The following ALG11 variants were observed in gnomAD, a reference collection of about 807,000 sequenced individuals.
ALG11 encodes the protein GDP-Man:Man(3)GlcNAc(2)-PP-Dol alpha-1,2-mannosyltransferase.
A neutral mutation model predicts 38.8 loss-of-function variants in ALG11; 26 were observed. The observed-to-expected ratio is 0.67, with a 90% CI of 0.49 to 0.93. ALG11 has a LOEUF of 0.93. ALG11 is among the 40% of genes least tolerant of loss of function. ALG11 has a pLI of 0.00. For missense variants in ALG11, 535 were observed against 578.8 expected (o/e 0.92, Z 0.78); for synonymous variants, 199 against 211.6 (o/e 0.94, Z 0.52).
At chr13:52,018,087 A>G (rs1035620040) in intron 1 of ALG11, among the ~76,000 whole-genome samples, 1 of 152,208 alleles carries the variant, frequency 6.6e-6, no homozygotes, top group Non-Finnish European at 1.5e-5. Context: ...TTATTTTAAC[A>G]CATTTTAAGC....
intron 3 of ALG11, among the ~76,000 whole-genome samples, chr13:52,026,149 G>A (rs1450298733): frequency 6.6e-6 from 1 of 152,206 alleles, no homozygotes; most frequent in Non-Finnish European, 1.5e-5. Context: ...AAGCGCCAAA[G>A]AGAAACCTAA....
In ALG11 at chr13:52,012,427, C is replaced by A. The variant is rs765484079; in HGVS notation, c.9C>A (p.Ala3=). 3 of 1,614,068 alleles carry A rather than the reference C, an allele frequency of 1.9e-6. No individual in the cohort carries two copies. Among genetic ancestry groups the A allele is most frequent in the Non-Finnish European group, 2.5e-6 (3 of 1,180,016 alleles). ...TCGGGGGTCGGCGGAAGATGGCGGCCGGCGAAAGGAGCTGGTGCCTGTGCA... is the reference window on the plus strand; with the variant it reads ...TCGGGGGTCGGCGGAAGATGGCGGCAGGCGAAAGGAGCTGGTGCCTGTGCA... MA[A]GERSWCLCKL... Residue 3 remains alanine (A), a synonymous_variant, in exon 1 of 4, where the codon GCC becomes GCA. Transcript: ENST00000521508.
At position 52,028,315 on chromosome 13, in the gene ALG11, T is replaced by G. The variant is rs1169205895; in HGVS notation, c.1208-4T>G. The G allele has an allele frequency of 1.2e-6, 2 of 1,614,044 alleles. No homozygotes were observed. The highest frequency in any genetic ancestry group is 1.7e-5 in the Admixed American group (1 of 59,990). ...GATTACATGATTTGTGTTTTTTTTC[T>G]CAGGAGTTGTGGAGTGTATGGCAGC... On this transcript the variant is annotated splice_region_variant and splice_polypyrimidine_tract_variant and intron_variant, in intron 3 of 3. Coordinates refer to ENST00000521508, the MANE Select transcript of ALG11 (RefSeq NM_001004127.3).
chr13:52,017,224 A>G (rs1170125187), intron 1 of ALG11: 1 of 152,306 alleles, frequency 6.6e-6, no homozygotes, highest in Non-Finnish European at 1.5e-5. Flanking sequence ...CTGGGAAGTA[A>G]CTAGCTTACT....
In ALG11 at chr13:52,031,374, AAG is replaced by A. The variant is rs1414575455; in HGVS notation, c.*2786_*2787del. 2.2e-6 allele frequency: 1 copy of A among 451,346 alleles called. No homozygotes were observed. 28.0% of individuals were successfully genotyped at this position (451,346 alleles called of 1,614,324 possible). A position where few individuals can be genotyped will look rare whatever the true frequency, so the allele number is the denominator to read the frequency against. On this transcript the variant is annotated 3_prime_UTR_variant, in exon 4 of 4. Transcript: ENST00000521508. ...AATATACCTAATGATTTCCTTAAAA[AAG>A]AAATTTTAAACAGACTTGTTTAATC...
In ALG11 at chr13:52,024,876, G is replaced by T. The variant is rs754572359; in HGVS notation, c.1146G>T (p.Lys382Asn). 8 of 1,613,760 alleles carry T rather than the reference G, an allele frequency of 5.0e-6. No individual in the cohort carries two copies. Among genetic ancestry groups the T allele is most frequent in the Non-Finnish European group, 6.8e-6 (8 of 1,180,024 alleles). Residue 382 changes from lysine (K) to asparagine (N), a missense_variant, in exon 3 of 4, where the codon AAG (lysine) becomes AAT (asparagine). By Grantham distance (94) the Lys-to-Asn change is moderately conservative (BLOSUM62 0). Coordinates refer to ENST00000521508, the MANE Select transcript of ALG11 (RefSeq NM_001004127.3). Reference protein sequence around the residue: ...FKINIPFDELKNYLSEATIGL... With the variant: ...FKINIPFDELNNYLSEATIGL... The stretch of plus-strand genomic sequence containing the variant: ...TAAACATTCCATTTGATGAATTAAA[G>T]AATTATTTGTCTGAAGCAACAATTG...
chr13:52,022,383 GAAAA>G (rs1566703544), intron 2 of ALG11: 1 of 152,102 alleles, frequency 6.6e-6, no homozygotes, highest in Non-Finnish European at 1.5e-5. Context: ...AAAAAAGAAA[GAAAA>G]AACAAATGGA....
chr13:52,018,803 TTC>T lies in ALG11; in HGVS notation c.45-104_45-103del. 5.5e-6 allele frequency: 5 copies of T among 903,964 alleles called. No individual in the cohort carries two copies. The Admixed American group carries it at 9.0e-5, about 16-fold the overall frequency. 56.0% of individuals were successfully genotyped at this position (903,964 alleles called of 1,614,324 possible). A position where few individuals can be genotyped will look rare whatever the true frequency, so the allele number is the denominator to read the frequency against. On this transcript the variant is annotated intron_variant, in intron 1 of 3. Coordinates refer to ENST00000521508, the MANE Select transcript of ALG11 (RefSeq NM_001004127.3). ...TTGTTAGCAGACTCGTTAAAGACAA[TTC>T]TCTCTTTGTTACTAATATATAAAGT...
At chr13:52,018,387 CTG>C (rs1377910850) in intron 1 of ALG11, among the ~76,000 whole-genome samples, 5 of 152,144 alleles carry the variant, frequency 3.3e-5, no homozygotes, top group Non-Finnish European at 5.9e-5. Flanking sequence ...AAATACAGAA[CTG>C]GAAATAGAAG....
Position 52,030,767 on chromosome 13 carries a change from G to A in ALG11, c.*2177G>A. The A allele has an allele frequency of 3.1e-6, 5 of 1,614,128 alleles. No individual in the cohort carries two copies. The highest frequency in any genetic ancestry group is 4.2e-6 in the Non-Finnish European group (5 of 1,180,026). On this transcript the variant is annotated 3_prime_UTR_variant, in exon 4 of 4. Coordinates refer to ENST00000521508, the MANE Select transcript of ALG11 (RefSeq NM_001004127.3). ...CCAGTTTCTCATTAAAGCCCCTGAGGGTCCTCCAAGAAAAGATAAGAATTT... is the reference window on the plus strand; with the variant it reads ...CCAGTTTCTCATTAAAGCCCCTGAGAGTCCTCCAAGAAAAGATAAGAATTT...
chr13:52,023,874 A>C (rs1230645083), intron 2 of ALG11, 132 bp from the exon 3 acceptor site: 3 of 691,530 alleles, frequency 4.3e-6, no homozygotes, highest in African/African-American at 3.7e-5. Context: ...GGCTCACTGC[A>C]ACCTCCGCCT....
At chr13:52,018,810 T>G in intron 1 of ALG11, 103 bp from the exon 2 acceptor site, 1 of 951,606 alleles carries the variant, frequency 1.1e-6, no homozygotes, top group Non-Finnish European at 1.6e-6. Flanking sequence ...CAATTCTCTC[T>G]TTGTTACTAA....
At position 52,029,682 on chromosome 13, in the gene ALG11, G is replaced by A; in HGVS notation, c.*1092G>A. The A allele has an allele frequency of 6.2e-7, 1 of 1,614,226 alleles. No individual in the cohort carries two copies. Among genetic ancestry groups the A allele is most frequent in the Non-Finnish European group, 8.5e-7 (1 of 1,180,048 alleles). Reference sequence around the variant, plus strand: ...ATTGAAAATGCCAGAATGATGGAAAGAATGAGCCTTAAGCACCAAAACAGT... The same window carrying A: ...ATTGAAAATGCCAGAATGATGGAAAAAATGAGCCTTAAGCACCAAAACAGT... On this transcript the variant is annotated 3_prime_UTR_variant, in exon 4 of 4. Transcript: ENST00000521508.
Position 52,024,826 on chromosome 13 carries a change from G to C in ALG11, c.1096G>C (p.Val366Leu). 1.2e-6 allele frequency: 2 copies of C among 1,613,998 alleles called. 1 individual carries two copies. Among genetic ancestry groups the C allele is most frequent in the South Asian group, 2.2e-5 (2 of 91,058 alleles). The change falls in exon 3 of 4, where the codon GTT becomes CTT. Residue 366 changes from valine to leucine, a missense_variant. Val to Leu is a conservative substitution (Grantham distance 32). Transcript: ENST00000521508. ...GAGAAGGCTGTCTGAGGATTTAGGA[G>C]TTCAAGAATATGTGGAATTTAAAAT... is the stretch of plus-strand genomic sequence containing the variant. ...QLRRLSEDLGVQEYVEFKINI... is the reference protein window; with the variant it reads ...QLRRLSEDLGLQEYVEFKINI...
chr13:52,027,092 G>A (rs924980036), intron 3 of ALG11, among the ~76,000 whole-genome samples: 2 of 152,178 alleles, frequency 1.3e-5, no homozygotes, highest in Non-Finnish European at 2.9e-5. Context: ...GCTGGGGAAG[G>A]TAAGGCAGTC....
At chr13:52,013,577 C>A (rs910560269) in intron 1 of ALG11, among the ~76,000 whole-genome samples, 10 of 152,202 alleles carry the variant, frequency 6.6e-5, no homozygotes, top group African/African-American at 2.4e-4. Context: ...AAGCTTGTCA[C>A]ATGAATTTTC....
chr13:52,024,671 A>G lies in ALG11; in HGVS notation c.941A>G (p.Asn314Ser). The G allele has an allele frequency of 6.2e-7, 1 of 1,614,194 alleles. No individual in the cohort carries two copies. Reference protein sequence around the residue: ...VSVGQFRPEKNHPLQIRAFAK... With the variant: ...VSVGQFRPEKSHPLQIRAFAK... ...GTTGGCCAGTTTAGGCCGGAAAAGA[A>G]TCATCCATTGCAGATCAGAGCCTTT... The change falls in exon 3 of 4, where the codon AAT becomes AGT. Residue 314 changes from asparagine (N) to serine (S), a missense_variant. Coordinates refer to ENST00000521508, the MANE Select transcript of ALG11 (RefSeq NM_001004127.3).
chr13:52,030,682 A>G lies in ALG11; in HGVS notation c.*2092A>G, dbSNP rs778848353. On this transcript the variant is annotated 3_prime_UTR_variant, in exon 4 of 4. Coordinates refer to ENST00000521508, the MANE Select transcript of ALG11 (RefSeq NM_001004127.3). ...GTAAGCCAAAGGACGTGGACCTGACACTACCTGGCTGGGGCGAGTGGGGTG... is the reference window on the plus strand; with the variant it reads ...GTAAGCCAAAGGACGTGGACCTGACGCTACCTGGCTGGGGCGAGTGGGGTG... 5.0e-6 allele frequency: 8 copies of G among 1,614,194 alleles called. No individual in the cohort carries two copies. Among genetic ancestry groups the G allele is most frequent in the Non-Finnish European group, 5.9e-6 (7 of 1,180,020 alleles).
In ALG11 at chr13:52,026,200, G is replaced by C. The variant is rs116389781; in HGVS notation, c.1207+1263G>C. 6.7e-3 allele frequency among the ~76,000 whole-genome samples: 1,020 copies of C among 152,330 alleles called. 9 individuals carry two copies. Among genetic ancestry groups the C allele is most frequent in the African/African-American group, 0.023 (945 of 41,560 alleles). On this transcript the variant is annotated intron_variant, in intron 3 of 3. Transcript: ENST00000521508. Reference sequence around the variant, plus strand: ...GCAGGGAACAGTTGCCCAAGGAAATGATGTGACACTTGAGCAGGACCCGAA... The same window carrying C: ...GCAGGGAACAGTTGCCCAAGGAAATCATGTGACACTTGAGCAGGACCCGAA...
Sources: allele counts gnomAD v4.1 joint callset (sites outside exome capture counted in the v4.1 genomes callset), GRCh38; gene constraint gnomAD v4.1.1; transcripts MANE v1.5; gene names NCBI Gene and HGNC (gene_info 2026-07-23, HGNC 2026-07-21).